Variants in MCPH1 observed in about 807,000 individuals in gnomAD.
The protein encoded by MCPH1 is microcephalin 1.
A neutral mutation model predicts 84.5 loss-of-function variants in MCPH1; 104 were observed. That is an observed-to-expected ratio of 1.23 (90% confidence interval 1.05 to 1.45). The LOEUF (loss-of-function observed/expected upper bound fraction) is 1.45. Ranked by LOEUF, MCPH1 falls within the 40% of genes most tolerant of loss-of-function variation. The pLI is 0.00. For synonymous variants in MCPH1, 514 were observed against 366.8 expected (o/e 1.40, Z -4.58); for missense variants, 1,498 against 1,005.7 (o/e 1.49, Z -6.62).
chr8:6,446,590 T>C (rs1294730726), intron 8 of MCPH1: 1 of 980,528 alleles, frequency 1.0e-6, no homozygotes. Flanking sequence ...TTAGCCTTAG[T>C]ATGTGTTTTC....
At chr8:6,554,512 C>A (rs536817538) in intron 12 of MCPH1, among the ~76,000 whole-genome samples, 1 of 152,068 alleles carries the variant, frequency 6.6e-6, no homozygotes, top group African/African-American at 2.4e-5. Context: ...GCTCCATTGT[C>A]CATAAAAAAT....
intron 12 of MCPH1, among the ~76,000 whole-genome samples, chr8:6,534,140 G>A (rs1024085457): frequency 8.5e-5 from 13 of 152,062 alleles, no homozygotes; most frequent in African/African-American, 3.1e-4. Context: ...ATGCATGAGA[G>A]GCACAGTCAG....
Position 6,612,710 on chromosome 8 carries a change from G to A in MCPH1, c.2215-8744G>A, listed in dbSNP as rs574094286. ...GGGCGCCTCCTCCGCTCACATCGCC[G>A]CTTCACCTGCTTTTGCTATCTGCAC... On this transcript the variant is annotated intron_variant, in intron 12 of 13. Coordinates refer to ENST00000344683, the MANE Select transcript of MCPH1 (RefSeq NM_024596.5). Among the ~76,000 whole-genome samples the A allele has an allele frequency of 2.6e-4, 39 of 152,290 alleles. No homozygotes were observed. The East Asian group carries it at 4.4e-3, about 17-fold the overall frequency.
Position 6,610,829 on chromosome 8 carries a change from T to G in MCPH1, c.2215-10625T>G, listed in dbSNP as rs534934377. On this transcript the variant is annotated intron_variant, in intron 12 of 13. Coordinates refer to ENST00000344683, the MANE Select transcript of MCPH1 (RefSeq NM_024596.5). ...AAAACTAAGAACATAAGACGCTGAT[T>G]TTTCTTCCAGAAAAAAAAAAACCTT... Among the ~76,000 whole-genome samples, 14 of 151,442 alleles carry G rather than the reference T, an allele frequency of 9.2e-5. No individual in the cohort carries two copies. In the South Asian group the frequency reaches 2.9e-3, roughly 31 times the overall value.
In MCPH1 at chr8:6,513,613, G is replaced by A. The variant is rs191058093; in HGVS notation, c.2214+13684G>A. ...CTCCCAAAGTGCTGGGATTACAGGC[G>A]TGAGCCACCGTGCCCGGCCACAAAT... On this transcript the variant is annotated intron_variant, in intron 12 of 13. Transcript: ENST00000344683. 58 of 1,451,542 alleles carry A rather than the reference G, an allele frequency of 4.0e-5. 1 individual carries two copies. The highest frequency in any genetic ancestry group is 3.4e-4 in the African/African-American group (24 of 70,334). 89.9% of individuals were successfully genotyped at this position (1,451,542 alleles called of 1,614,324 possible).
In MCPH1 at chr8:6,406,767, A is replaced by G. The variant is rs1268355501; in HGVS notation, c.22+78A>G. On this transcript the variant is annotated intron_variant, in intron 1 of 13. Transcript: ENST00000344683. ...CCCTCGTCGCGGGCGCACTCGGGGG[A>G]TCCCGTGGGAGGAGCCCCGCTCGCC... The G allele has an allele frequency of 2.6e-6, 4 of 1,517,468 alleles. No individual in the cohort carries two copies. The African/African-American group carries it at 5.5e-5, about 21-fold the overall frequency. The allele number at this position is 1,517,468 out of a possible 1,614,324, so 94.0% of individuals were successfully genotyped here.
chr8:6,606,374 C>T (rs562419440), intron 12 of MCPH1, among the ~76,000 whole-genome samples: 3 of 152,264 alleles, frequency 2.0e-5, no homozygotes, highest in South Asian at 2.1e-4. Flanking sequence ...CCCAACAGTC[C>T]GTGTTGCATT....
At chr8:6,436,026 T>G in intron 4 of MCPH1, 22 bp from the exon 5 acceptor site, 1 of 1,612,384 alleles carries the variant, frequency 6.2e-7, no homozygotes, top group South Asian at 1.1e-5. Context: ...ACAGCATTAA[T>G]TTTTGTGTTC....
chr8:6,407,685 C>T (rs1797938269), intron 1 of MCPH1, among the ~76,000 whole-genome samples: 1 of 152,092 alleles, frequency 6.6e-6, no homozygotes, highest in Non-Finnish European at 1.5e-5. Flanking sequence ...TTAAATTAAC[C>T]TGGTTTTCTT....
intron 12 of MCPH1, among the ~76,000 whole-genome samples, chr8:6,593,076 G>C (rs113122696): frequency 6.8e-4 from 89 of 130,990 alleles, no homozygotes; most frequent in African/African-American, 2.4e-3. Context: ...GTTTTTTAGG[G>C]TGTGGTTTTT....
chr8:6,527,926 C>T lies in MCPH1; in HGVS notation c.2214+27997C>T, dbSNP rs1403491424. ...TTTTTTTTTTTTTGAGATGGAATCTCGCTCCATTGCCCGGGGTGGAGTGCA... is the reference window on the plus strand; with the variant it reads ...TTTTTTTTTTTTTGAGATGGAATCTTGCTCCATTGCCCGGGGTGGAGTGCA... On this transcript the variant is annotated intron_variant, in intron 12 of 13. Transcript: ENST00000344683. 6.1e-5 allele frequency among the ~76,000 whole-genome samples: 7 copies of T among 114,180 alleles called. 1 individual carries two copies. Among genetic ancestry groups the T allele is most frequent in the Admixed American group, 9.3e-5 (1 of 10,768 alleles). The allele number at this position is 114,180 out of a possible 152,430, so 74.9% of individuals were successfully genotyped here.
chr8:6,503,291 G>C (rs764179289), intron 12 of MCPH1: 3 of 1,612,986 alleles, frequency 1.9e-6, no homozygotes, highest in Non-Finnish European at 2.5e-6. Flanking sequence ...AAGGAATTAG[G>C]AACTAGGTGA....
chr8:6,410,918 C>G (rs1288007182), intron 2 of MCPH1, among the ~76,000 whole-genome samples: 1 of 151,974 alleles, frequency 6.6e-6, no homozygotes, highest in Non-Finnish European at 1.5e-5. Flanking sequence ...AGTGAAACCC[C>G]ATCTCTACTA....
intron 12 of MCPH1, among the ~76,000 whole-genome samples, chr8:6,513,423 C>T (rs895331283): frequency 1.3e-5 from 2 of 151,530 alleles, no homozygotes; most frequent in Non-Finnish European, 2.9e-5. Flanking sequence ...AGCTCCGCCT[C>T]CCGGGTTCAC....
intron 12 of MCPH1, among the ~76,000 whole-genome samples, chr8:6,521,671 G>C (rs1281289689): frequency 6.6e-6 from 1 of 152,162 alleles, no homozygotes; most frequent in Admixed American, 6.5e-5. Context: ...TACCCCATCT[G>C]GTCCAGGATA....
At chr8:6,599,276 C>T (rs1396391851) in intron 12 of MCPH1, among the ~76,000 whole-genome samples, 1 of 152,188 alleles carries the variant, frequency 6.6e-6, no homozygotes, top group Non-Finnish European at 1.5e-5. Context: ...CAGGAATTAT[C>T]GATACCTTTG....
intron 12 of MCPH1, among the ~76,000 whole-genome samples, chr8:6,617,851 ATGTC>A (rs765859701): frequency 9.3e-5 from 14 of 151,344 alleles, no homozygotes; most frequent in East Asian, 2.0e-4. Flanking sequence ...TTGCTTATCT[ATGTC>A]TGTCTGTCTG....
intron 12 of MCPH1, among the ~76,000 whole-genome samples, chr8:6,595,843 C>T (rs921491440): frequency 5.3e-5 from 8 of 152,136 alleles, no homozygotes; most frequent in Non-Finnish European, 1.2e-4. Flanking sequence ...TACAATTGGG[C>T]AGGCAACGGC....
chr8:6,589,637 T>C (rs1228668100), intron 12 of MCPH1, among the ~76,000 whole-genome samples: 2 of 152,248 alleles, frequency 1.3e-5, no homozygotes, highest in Non-Finnish European at 2.9e-5. Context: ...TCCATCTCGA[T>C]AGAATGTCTA....
Sources: gnomAD v4.1 joint callset for allele counts (sites outside exome capture counted in the v4.1 genomes callset) on GRCh38, gnomAD v4.1.1 for gene constraint, MANE v1.5 for transcripts, NCBI Gene and HGNC (gene_info 2026-07-23, HGNC 2026-07-21) for gene names.